The following FBXW7 variants were observed in gnomAD, a reference collection of about 807,000 sequenced individuals.
FBXW7 encodes the protein F-box and WD repeat domain containing 7.
Under a neutral mutation model 86.3 loss-of-function variants are expected in FBXW7, and 11 were observed. The ratio of observed to expected loss-of-function variants is 0.13; its 90% CI spans 0.08 to 0.21. The LOEUF (loss-of-function observed/expected upper bound fraction) is 0.21. Among genes scored for constraint, FBXW7 ranks in the 10% least tolerant of loss-of-function variants. FBXW7 has a pLI of 1.00. For missense variants in FBXW7, 488 were observed against 847.4 expected (o/e 0.58, Z 5.27); for synonymous variants, 313 against 297.9 (o/e 1.05, Z -0.52).
chr4:152,483,733 T>C (rs1745098578), intron 2 of FBXW7, among the ~76,000 whole-genome samples: 1 of 151,938 alleles, frequency 6.6e-6, no homozygotes, highest in Admixed American at 6.6e-5. Flanking sequence ...AAAAACCCTT[T>C]CTGTGTTGTG....
intron 7 of FBXW7, among the ~76,000 whole-genome samples, chr4:152,336,047 T>C (rs1730058113): frequency 1.3e-5 from 2 of 152,174 alleles, no homozygotes; most frequent in Non-Finnish European, 2.9e-5. Flanking sequence ...ATGTTTTAAA[T>C]AATAATACTT....
chr4:152,507,668 G>C (rs1412527443), intron 2 of FBXW7, among the ~76,000 whole-genome samples: 2 of 152,134 alleles, frequency 1.3e-5, no homozygotes, highest in Non-Finnish European at 2.9e-5. Context: ...CCAGTAAAAG[G>C]AATCAATATT....
rs1226035975 is a variant in FBXW7, at chr4:152,535,888, G to A, written c.-974C>T. 6 of 372,980 alleles carry A rather than the reference G, an allele frequency of 1.6e-5. No homozygotes were observed. The highest frequency in any genetic ancestry group is 1.2e-4 in the South Asian group (1 of 8,154). 23.1% of individuals were successfully genotyped at this position (372,980 alleles called of 1,614,324 possible). ...CGCTGCCGGCCGGGAAGGTGAGGGG[G>A]GGAAAGGAGTGCGGCCGCGGCTCCC... On this transcript the variant is annotated 5_prime_UTR_variant, in exon 1 of 14. Transcript: ENST00000281708.
intron 4 of FBXW7, among the ~76,000 whole-genome samples, chr4:152,373,500 C>T (rs777164422): frequency 1.3e-5 from 2 of 151,878 alleles, no homozygotes; most frequent in South Asian, 2.1e-4. Context: ...GTGCTCAATA[C>T]GTATTTTTTC....
At chr4:152,336,070 GATA>G (rs1169457666) in intron 7 of FBXW7, among the ~76,000 whole-genome samples, 1 of 152,134 alleles carries the variant, frequency 6.6e-6, no homozygotes, top group African/African-American at 2.4e-5. Context: ...TTTCTGAGAA[GATA>G]ATGTTTTCTA....
intron 2 of FBXW7, among the ~76,000 whole-genome samples, chr4:152,454,429 T>C (rs1385962632): frequency 1.3e-5 from 2 of 152,162 alleles, no homozygotes; most frequent in Non-Finnish European, 2.9e-5. Flanking sequence ...CAAATAACTT[T>C]TGATAATGAC....
intron 2 of FBXW7, among the ~76,000 whole-genome samples, chr4:152,483,312 G>A (rs1349690461): frequency 2.0e-5 from 3 of 151,386 alleles, no homozygotes; most frequent in African/African-American, 7.3e-5. Flanking sequence ...TAGATAGTCT[G>A]ATCTTGTTAA....
intron 2 of FBXW7, among the ~76,000 whole-genome samples, chr4:152,491,467 G>A (rs1745850892): frequency 6.6e-6 from 1 of 151,980 alleles, no homozygotes; most frequent in Non-Finnish European, 1.5e-5. Context: ...ACTTAACAGG[G>A]GCACTTAAAA....
intron 4 of FBXW7, among the ~76,000 whole-genome samples, chr4:152,363,133 A>T (rs1733145879): frequency 6.6e-6 from 1 of 152,164 alleles, no homozygotes; most frequent in South Asian, 2.1e-4. Flanking sequence ...AGAGCAATTC[A>T]TGTGAGCCTC....
chr4:152,445,338 GTA>G (rs1484222556), intron 2 of FBXW7, among the ~76,000 whole-genome samples: 1 of 152,126 alleles, frequency 6.6e-6, no homozygotes, highest in African/African-American at 2.4e-5. Flanking sequence ...TACAAACTGA[GTA>G]TCTCTTATCT....
intron 4 of FBXW7, among the ~76,000 whole-genome samples, chr4:152,386,794 T>A (rs1735561592): frequency 6.6e-6 from 1 of 152,096 alleles, no homozygotes; most frequent in Non-Finnish European, 1.5e-5. Context: ...CACTTATCAC[T>A]CCCTGATTTT....
chr4:152,377,065 C>T (rs2126761390), intron 4 of FBXW7, among the ~76,000 whole-genome samples: 1 of 152,198 alleles, frequency 6.6e-6, no homozygotes, highest in East Asian at 1.9e-4. Flanking sequence ...ATGTCAACAG[C>T]AATAGGCCCC....
chr4:152,358,749 T>C (rs1216426364), intron 4 of FBXW7, among the ~76,000 whole-genome samples: 2 of 152,168 alleles, frequency 1.3e-5, no homozygotes, highest in East Asian at 1.9e-4. Flanking sequence ...GATATACACC[T>C]ACCTTACCAC....
intron 2 of FBXW7, among the ~76,000 whole-genome samples, chr4:152,503,562 G>A (rs981379861): frequency 1.7e-4 from 26 of 151,596 alleles, no homozygotes; most frequent in African/African-American, 3.4e-4. Flanking sequence ...ATGAGCCACC[G>A]TGCCCGGCCC....
chr4:152,456,233 T>C (rs907197214), intron 2 of FBXW7, among the ~76,000 whole-genome samples: 8 of 151,070 alleles, frequency 5.3e-5, no homozygotes, highest in Admixed American at 3.3e-4. Context: ...AATGAAAAAA[T>C]TTAGGCACTG....
chr4:152,497,374 C>CACACACACACACACACACAG (rs1240252269), intron 2 of FBXW7, among the ~76,000 whole-genome samples: 13 of 143,662 alleles, frequency 9.0e-5, no homozygotes, highest in Admixed American at 1.4e-4. Context: ...CACACACACA[C>CACACACACACACACACACAG]ACTATGAGAT....
chr4:152,461,586 G>C (rs988974566), intron 2 of FBXW7, among the ~76,000 whole-genome samples: 2 of 152,160 alleles, frequency 1.3e-5, no homozygotes, highest in African/African-American at 2.4e-5. Flanking sequence ...CTATTTTAAA[G>C]TCCTTGCTTG....
intron 10 of FBXW7, chr4:152,329,055 ATTAC>A: frequency 6.6e-6 from 1 of 151,930 alleles, no homozygotes; most frequent in East Asian, 1.9e-4. Flanking sequence ...TTAGGTGGCA[ATTAC>A]TTAATTCATG....
chr4:152,473,996 CA>C (rs963233993), intron 2 of FBXW7, among the ~76,000 whole-genome samples: 2 of 151,244 alleles, frequency 1.3e-5, no homozygotes, highest in African/African-American at 2.4e-5. Flanking sequence ...CATATCTCAG[CA>C]AAAAAAAGAC....
Sources: allele counts gnomAD v4.1 joint callset (sites outside exome capture counted in the v4.1 genomes callset), GRCh38; gene constraint gnomAD v4.1.1; transcripts MANE v1.5; gene names NCBI Gene and HGNC (gene_info 2026-07-23, HGNC 2026-07-21).